Variants in ARHGEF12 observed in about 807,000 individuals in gnomAD.
ARHGEF12 encodes the protein KMT2A/ARHGEF12 fusion protein.
In ARHGEF12, 66 loss-of-function variants were observed where a neutral mutation model predicts 211.2. That is an observed-to-expected ratio of 0.31 (90% CI 0.26 to 0.38). The LOEUF is 0.38. Among genes scored for constraint, ARHGEF12 ranks in the 10% least tolerant of loss-of-function variants. The pLI is 1.00. For missense variants in ARHGEF12, 1,429 were observed against 1,869.5 expected, an observed-to-expected ratio of 0.76 and a Z score of 4.34; for synonymous variants, 592 against 638.4, an observed-to-expected ratio of 0.93 and a Z score of 1.09.
intron 1 of ARHGEF12, among the ~76,000 whole-genome samples, chr11:120,354,080 G>T (rs11824032): frequency 1.3e-5 from 2 of 151,934 alleles, no homozygotes; most frequent in South Asian, 2.1e-4. Flanking sequence ...GAGACTAGGG[G>T]TGCAGTGGGA....
intron 11 of ARHGEF12, 126 bp from the exon 12 acceptor site, chr11:120,437,182 G>T: frequency 1.8e-6 from 1 of 569,064 alleles, no homozygotes; most frequent in African/African-American, 1.9e-5. Flanking sequence ...AGCATTTTAC[G>T]AAAGATATTT....
rs1947361302 is a variant in ARHGEF12, at chr11:120,484,952, CAT to C, written c.4625-113_4625-112del. On this transcript the variant is annotated intron_variant, in intron 40 of 40. Coordinates refer to ENST00000397843, the MANE Select transcript of ARHGEF12 (RefSeq NM_015313.3). ...GCAGCAGTTTATACTCATCTGCTTACATACTGATTCAGAAACAAAGATTGAAC... is the reference window on the plus strand; with the variant it reads ...GCAGCAGTTTATACTCATCTGCTTACACTGATTCAGAAACAAAGATTGAAC... 14 of 1,104,378 alleles carry C rather than the reference CAT, an allele frequency of 1.3e-5. No individual in the cohort carries two copies. In the East Asian group the frequency reaches 3.6e-4, roughly 28 times the overall value. The allele number at this position is 1,104,378 out of a possible 1,614,324, so 68.4% of individuals were successfully genotyped here. A position where few individuals can be genotyped will look rare whatever the true frequency, so the allele number is the denominator to read the frequency against.
chr11:120,346,694 A>T (rs1942736961), intron 1 of ARHGEF12, among the ~76,000 whole-genome samples: 1 of 152,238 alleles, frequency 6.6e-6, no homozygotes, highest in Non-Finnish European at 1.5e-5. Flanking sequence ...GGAGTCTATG[A>T]AAGTTTCTTT....
At position 120,487,893 on chromosome 11, in the gene ARHGEF12, A is replaced by G. The variant is rs1373030775; in HGVS notation, c.*2816A>G. On this transcript the variant is annotated 3_prime_UTR_variant, in exon 41 of 41. Coordinates refer to ENST00000397843, the MANE Select transcript of ARHGEF12 (RefSeq NM_015313.3). ...ATGATTACCACCTTCGAAGCTATAT[A>G]TTTTGCATACTTTAAAATCACCTAA... 4 of 219,596 alleles carry G rather than the reference A, an allele frequency of 1.8e-5. No individual in the cohort carries two copies. Among genetic ancestry groups the G allele is most frequent in the African/African-American group, 6.7e-5 (3 of 44,546 alleles). 13.6% of individuals were successfully genotyped at this position (219,596 alleles called of 1,614,324 possible). A position where few individuals can be genotyped will look rare whatever the true frequency, so the allele number is the denominator to read the frequency against.
At position 120,336,808 on chromosome 11, in the gene ARHGEF12, G is replaced by A. The variant is rs1942364313; in HGVS notation, c.-436G>A. On this transcript the variant is annotated 5_prime_UTR_variant, in exon 1 of 41. Coordinates refer to ENST00000397843, the MANE Select transcript of ARHGEF12 (RefSeq NM_015313.3). ...GGCAGCCCCAGATAGAGAGCCGGGA[G>A]GGAGGGCCCCGGCCCTTGCCGCGGC... The A allele has an allele frequency of 3.1e-6, 1 of 319,744 alleles. No homozygotes were observed. Among genetic ancestry groups the A allele is most frequent in the South Asian group, 1.5e-4 (1 of 6,622 alleles). 19.8% of individuals were successfully genotyped at this position (319,744 alleles called of 1,614,324 possible).
At chr11:120,467,652 G>T (rs1318017193) in intron 29 of ARHGEF12, among the ~76,000 whole-genome samples, 1 of 145,770 alleles carries the variant, frequency 6.9e-6, no homozygotes, top group East Asian at 2.0e-4. Context: ...TGTTGCTCAG[G>T]CTGGTCTCAA....
intron 1 of ARHGEF12, among the ~76,000 whole-genome samples, chr11:120,354,905 G>T (rs777964138): frequency 2.0e-5 from 3 of 152,208 alleles, no homozygotes; most frequent in Non-Finnish European, 4.4e-5. Context: ...CATCCGCTAT[G>T]CTGAGTTCTG....
At chr11:120,384,342 A>T (rs562085300) in intron 1 of ARHGEF12, among the ~76,000 whole-genome samples, 1 of 152,318 alleles carries the variant, frequency 6.6e-6, no homozygotes, top group South Asian at 2.1e-4. Flanking sequence ...GATTTAACTT[A>T]AAATTAGATG....
rs1947389050 is a variant in ARHGEF12 at position 120,486,049 on chromosome 11, C to T, written c.*972C>T. The T allele has an allele frequency of 4.3e-6, 1 of 230,354 alleles. No individual in the cohort carries two copies. The highest frequency in any genetic ancestry group is 2.2e-5 in the African/African-American group (1 of 44,988). 14.3% of individuals were successfully genotyped at this position (230,354 alleles called of 1,614,324 possible). On this transcript the variant is annotated 3_prime_UTR_variant, in exon 41 of 41. Coordinates refer to ENST00000397843, the MANE Select transcript of ARHGEF12 (RefSeq NM_015313.3). ...CAGGAAGTAAAAACAAATGGAAATGCTTCGGATAGTGGCAGGGGTGGGGGT... is the reference window on the plus strand; with the variant it reads ...CAGGAAGTAAAAACAAATGGAAATGTTTCGGATAGTGGCAGGGGTGGGGGT...
In ARHGEF12 at chr11:120,475,424, T is replaced by G. The variant is rs1299413491; in HGVS notation, c.3194T>G (p.Ile1065Ser). The G allele has an allele frequency of 6.2e-7, 1 of 1,614,032 alleles. No individual in the cohort carries two copies. The highest frequency in any genetic ancestry group is 1.3e-5 in the African/African-American group (1 of 74,916). ...DRLVLRCHSK[I>S]LASTADSKHT... ...CTGGTTTTAAGGTGTCATAGTAAGA[T>G]TCTGGCATCTACAGCTGATAGCAAA... Residue 1065 changes from isoleucine to serine, a missense_variant, in exon 33 of 41, where the codon ATT (isoleucine) becomes AGT (serine). By Grantham distance (142) the Ile-to-Ser change is moderately radical. Transcript: ENST00000397843.
intron 13 of ARHGEF12, 142 bp from the exon 14 acceptor site, chr11:120,441,565 A>T: frequency 1.6e-6 from 1 of 606,454 alleles, no homozygotes; most frequent in South Asian, 2.2e-5. Flanking sequence ...TGTTGCTAAT[A>T]AATTTTAGTG....
In ARHGEF12 at chr11:120,465,257, G is replaced by A. The variant is rs748057427; in HGVS notation, c.2634G>A (p.Glu878=). The change falls in exon 28 of 41, where the codon GAG becomes GAA. Residue 878 remains glutamate, a synonymous_variant. Coordinates refer to ENST00000397843, the MANE Select transcript of ARHGEF12 (RefSeq NM_015313.3). ...LLTWFSGPGE[E]KLKHAAATFC... ...CACAGTTCAGCGGACCAGGAGAGGA[G>A]AAATTGAAACATGCTGCTGCTACCT... The A allele has an allele frequency of 1.4e-5, 22 of 1,614,018 alleles. No homozygotes were observed. The highest frequency in any genetic ancestry group is 1.8e-5 in the Non-Finnish European group (21 of 1,180,020).
At chr11:120,452,092 T>C (rs1353833565) in intron 22 of ARHGEF12, among the ~76,000 whole-genome samples, 1 of 152,182 alleles carries the variant, frequency 6.6e-6, no homozygotes, top group East Asian at 1.9e-4. Flanking sequence ...AGGGAACTGG[T>C]CAGTAGTTAG....
chr11:120,347,154 TC>T (rs1565416965), intron 1 of ARHGEF12, among the ~76,000 whole-genome samples: 1,080 of 102,856 alleles, frequency 0.011, 67 homozygotes, highest in African/African-American at 0.03. Flanking sequence ...CTTCCTTCCT[TC>T]CTTCCTTCCT....
rs896859361 is a variant in ARHGEF12 at position 120,336,846 on chromosome 11, G to A, written c.-398G>A. On this transcript the variant is annotated 5_prime_UTR_variant, in exon 1 of 41. Coordinates refer to ENST00000397843, the MANE Select transcript of ARHGEF12 (RefSeq NM_015313.3). ...CCCTTGCCGCGGCGGGGAGTTCGAG[G>A]CCCCGAGACTCCGGAGGAGGAGCCG... 2 of 363,780 alleles carry A rather than the reference G, an allele frequency of 5.5e-6. No individual in the cohort carries two copies. Among genetic ancestry groups the A allele is most frequent in the African/African-American group, 4.2e-5 (2 of 48,070 alleles). The allele number at this position is 363,780 out of a possible 1,614,324, so 22.5% of individuals were successfully genotyped here.
chr11:120,445,327 T>C (rs1946011217), intron 15 of ARHGEF12, 95 bp from the exon 16 acceptor site: 5 of 1,132,564 alleles, frequency 4.4e-6, no homozygotes, highest in Middle Eastern at 4.2e-4. Flanking sequence ...GTAGAGTGGG[T>C]ATCCAAGTTG....
At chr11:120,427,091 T>C (rs920835777) in intron 7 of ARHGEF12, among the ~76,000 whole-genome samples, 1 of 152,010 alleles carries the variant, frequency 6.6e-6, no homozygotes, top group Admixed American at 6.6e-5. Flanking sequence ...TTAGCAAGGC[T>C]GGTCTTGATC....
chr11:120,353,813 C>T (rs560893105), intron 1 of ARHGEF12, among the ~76,000 whole-genome samples: 1 of 152,314 alleles, frequency 6.6e-6, no homozygotes, highest in African/African-American at 2.4e-5. Flanking sequence ...GATCTCCACC[C>T]GCCCTTCTGA....
In ARHGEF12 at chr11:120,480,333, C is replaced by T; in HGVS notation, c.4140C>T (p.His1380=). ...GGGGTCTTGATGACAGTGGAGAGCACTTTTTTGATGCCCGTGAAGCACATA... is the reference window on the plus strand; with the variant it reads ...GGGGTCTTGATGACAGTGGAGAGCATTTTTTTGATGCCCGTGAAGCACATA... The part of the protein sequence containing the change: ...PEGGLDDSGE[H]FFDAREAHSD... The change falls in exon 38 of 41, where the codon CAC becomes CAT. Residue 1380 remains histidine (H), a synonymous_variant. Transcript: ENST00000397843. 6.2e-7 allele frequency: 1 copy of T among 1,614,130 alleles called. No individual in the cohort carries two copies. The highest frequency in any genetic ancestry group is 8.5e-7 in the Non-Finnish European group (1 of 1,180,028).
Sources: allele counts gnomAD v4.1 joint callset (sites outside exome capture counted in the v4.1 genomes callset), GRCh38; gene constraint gnomAD v4.1.1; transcripts MANE v1.5; gene names NCBI Gene and HGNC (gene_info 2026-07-23, HGNC 2026-07-21).